Variants in SIPA1L3 observed in about 807,000 individuals in gnomAD.
SIPA1L3 encodes the protein signal induced proliferation associated 1 like 3, also known as signal-induced proliferation-associated 1-like protein 3.
SIPA1L3 carries 59 observed loss-of-function variants against 150.1 expected under a neutral mutation model. The ratio of observed to expected loss-of-function variants is 0.39; its 90% CI spans 0.32 to 0.49. The LOEUF (loss-of-function observed/expected upper bound fraction) is 0.49. Ranked by LOEUF, SIPA1L3 falls within the 20% of genes least tolerant of loss-of-function variation. The pLI, the probability that SIPA1L3 is intolerant of heterozygous loss-of-function variation, is 0.86. For synonymous variants in SIPA1L3, 1,070 were observed against 1,077.6 expected (o/e 0.99, Z 0.14); for missense variants, 2,211 against 2,489.5 (o/e 0.89, Z 2.38).
intron 1 of SIPA1L3, among the ~76,000 whole-genome samples, chr19:38,007,826 T>G (rs1239803384): frequency 4.6e-5 from 7 of 152,134 alleles, no homozygotes; most frequent in Admixed American, 3.3e-4. Context: ...TGAGCGGCCT[T>G]CCTCAGCACC....
At chr19:38,030,623 AATATATAT>A (rs757828313) in intron 2 of SIPA1L3, among the ~76,000 whole-genome samples, 9 of 42,640 alleles carry the variant, frequency 2.1e-4, no homozygotes, top group Admixed American at 7.0e-4. Context: ...ATATGTGGCA[AATATATAT>A]ATATATATAT....
At chr19:38,019,935 T>G (rs373922093) in intron 1 of SIPA1L3, among the ~76,000 whole-genome samples, 1 of 152,008 alleles carries the variant, frequency 6.6e-6, no homozygotes, top group Non-Finnish European at 1.5e-5. Flanking sequence ...AAAACTTTTT[T>G]AAAAAGCATT....
At position 38,100,168 on chromosome 19, in the gene SIPA1L3, G is replaced by T; in HGVS notation, c.1854+18G>T. Reference sequence around the variant, plus strand: ...AGCAAGGGGTGAGTCAGGGGCTGGAGGTGGGGGTGCTGCTGGGGCAGTACC... The same window carrying T: ...AGCAAGGGGTGAGTCAGGGGCTGGATGTGGGGGTGCTGCTGGGGCAGTACC... On this transcript the variant is annotated intron_variant, in intron 5 of 21. Coordinates refer to ENST00000222345, the MANE Select transcript of SIPA1L3 (RefSeq NM_015073.3). 6.5e-7 allele frequency: 1 copy of T among 1,527,712 alleles called. No homozygotes were observed. The highest frequency in any genetic ancestry group is 8.8e-7 in the Non-Finnish European group (1 of 1,138,840). The allele number at this position is 1,527,712 out of a possible 1,614,324, so 94.6% of individuals were successfully genotyped here. A position where few individuals can be genotyped will look rare whatever the true frequency, so the allele number is the denominator to read the frequency against.
intron 1 of SIPA1L3, among the ~76,000 whole-genome samples, chr19:37,990,160 C>T (rs1427090631): frequency 6.6e-6 from 1 of 152,074 alleles, no homozygotes; most frequent in Non-Finnish European, 1.5e-5. Context: ...TCTGGTTGCT[C>T]AACCACCCTG....
At chr19:38,173,066 C>T (rs560377679) in intron 15 of SIPA1L3, among the ~76,000 whole-genome samples, 43 of 152,308 alleles carry the variant, frequency 2.8e-4, no homozygotes, top group African/African-American at 1.0e-3. Flanking sequence ...CACATCACTG[C>T]ACTCAGCCTG....
chr19:38,085,053 C>T (rs978214751), intron 3 of SIPA1L3, among the ~76,000 whole-genome samples: 2 of 152,152 alleles, frequency 1.3e-5, no homozygotes, highest in Non-Finnish European at 2.9e-5. Context: ...AGACAGCCCT[C>T]GGTTTGGGGT....
intron 1 of SIPA1L3, among the ~76,000 whole-genome samples, chr19:37,933,694 C>T (rs967617167): frequency 1.3e-5 from 2 of 152,198 alleles, no homozygotes; most frequent in Non-Finnish European, 2.9e-5. Flanking sequence ...ATGCCTCCCC[C>T]TGGTCACCCA....
At chr19:37,920,881 G>A (rs1208308142) in intron 1 of SIPA1L3, among the ~76,000 whole-genome samples, 3 of 152,298 alleles carry the variant, frequency 2.0e-5, no homozygotes, top group African/African-American at 7.2e-5. Flanking sequence ...GTTTACTGAG[G>A]TCCCTTTTCC....
intron 1 of SIPA1L3, among the ~76,000 whole-genome samples, chr19:37,982,571 G>A (rs991081756): frequency 6.6e-6 from 1 of 152,220 alleles, no homozygotes; most frequent in Non-Finnish European, 1.5e-5. Context: ...GGGCTGCTAT[G>A]TCACTTCCCC....
chr19:38,000,312 A>T (rs1027565325), intron 1 of SIPA1L3, among the ~76,000 whole-genome samples: 18 of 151,872 alleles, frequency 1.2e-4, no homozygotes, highest in African/African-American at 4.3e-4. Context: ...ACTAAAAATT[A>T]AAAAAATTAG....
chr19:38,104,323 G>T (rs572172334), intron 6 of SIPA1L3, among the ~76,000 whole-genome samples: 6 of 152,358 alleles, frequency 3.9e-5, no homozygotes, highest in Admixed American at 2.6e-4. Flanking sequence ...TGGACAGGTG[G>T]CTTTGCCTCT....
intron 8 of SIPA1L3, among the ~76,000 whole-genome samples, chr19:38,117,147 C>A (rs1003907130): frequency 1.3e-5 from 2 of 152,218 alleles, no homozygotes; most frequent in African/African-American, 4.8e-5. Context: ...TGCACTTCTC[C>A]TCCTCCCAGC....
chr19:37,920,465 G>A (rs991305697), intron 1 of SIPA1L3, among the ~76,000 whole-genome samples: 1 of 152,186 alleles, frequency 6.6e-6, no homozygotes, highest in Admixed American at 6.5e-5. Flanking sequence ...GAGTGCAGGG[G>A]CTCAAGTGTG....
rs148629421 is a variant in SIPA1L3, at chr19:38,081,666, A to G, written c.101A>G (p.Tyr34Cys). 31 of 1,612,342 alleles carry G rather than the reference A, an allele frequency of 1.9e-5. No individual in the cohort carries two copies. The highest frequency in any genetic ancestry group is 6.7e-5 in the Admixed American group (4 of 59,998). The change falls in exon 3 of 22, where the codon TAC becomes TGC. Residue 34 changes from tyrosine to cysteine, a missense_variant. Coordinates refer to ENST00000222345, the MANE Select transcript of SIPA1L3 (RefSeq NM_015073.3). ...CTCCCTGGGCCACACACAGGGGACT[A>G]CGCTCCCTTGGGATTCTGGGCCCAG... ...DVLPGPHTGD[Y>C]APLGFWAQNG...
At chr19:37,915,518 G>C (rs1004040132) in intron 1 of SIPA1L3, among the ~76,000 whole-genome samples, 6 of 151,702 alleles carry the variant, frequency 4.0e-5, no homozygotes, top group African/African-American at 1.5e-4. Flanking sequence ...AGTACCTGGA[G>C]TTACAGGCGC....
intron 1 of SIPA1L3, among the ~76,000 whole-genome samples, chr19:37,989,219 G>GT (rs1967437547): frequency 6.6e-6 from 1 of 152,012 alleles, no homozygotes; most frequent in Admixed American, 6.6e-5. Flanking sequence ...CCTGTTTTTT[G>GT]TTTGTTTGTT....
rs769748785 is a variant in SIPA1L3 at position 38,081,585 on chromosome 19, T to A, written c.20T>A (p.Ile7Asn). The A allele has an allele frequency of 1.1e-5, 18 of 1,591,978 alleles. No individual in the cohort carries two copies. Among genetic ancestry groups the A allele is most frequent in the Non-Finnish European group, 1.5e-5 (17 of 1,165,482 alleles). MTTYRAIPSDGVDLAAS... is the reference protein window; with the variant it reads MTTYRANPSDGVDLAAS... ...TGGACTATGACCACCTATCGGGCCA[T>A]CCCCAGCGATGGTGTGGACCTGGCA... The change falls in exon 3 of 22, where the codon ATC (isoleucine) becomes AAC (asparagine). Residue 7 changes from isoleucine to asparagine, a missense_variant. By Grantham distance (149) the Ile-to-Asn change is moderately radical. Coordinates refer to ENST00000222345, the MANE Select transcript of SIPA1L3 (RefSeq NM_015073.3).
At chr19:38,004,009 A>C (rs1193665375) in intron 1 of SIPA1L3, among the ~76,000 whole-genome samples, 7 of 151,996 alleles carry the variant, frequency 4.6e-5, no homozygotes, top group Admixed American at 3.3e-4. Context: ...AAGGAACTAC[A>C]AACAAGACAG....
At chr19:37,993,867 A>T (rs898777897) in intron 1 of SIPA1L3, among the ~76,000 whole-genome samples, 1 of 152,160 alleles carries the variant, frequency 6.6e-6, no homozygotes, top group African/African-American at 2.4e-5. Flanking sequence ...TTTTATTTCA[A>T]TGCATAGCAG....
Sources: gnomAD v4.1 joint callset for allele counts (sites outside exome capture counted in the v4.1 genomes callset) on GRCh38, gnomAD v4.1.1 for gene constraint, MANE v1.5 for transcripts, NCBI Gene and HGNC (gene_info 2026-07-23, HGNC 2026-07-21) for gene names.